Variants in GPR180 observed in about 807,000 individuals in gnomAD.
The protein encoded by GPR180 is G protein-coupled receptor 180, also known as integral membrane protein GPR180.
Under a neutral mutation model 52.6 loss-of-function variants are expected in GPR180, and 53 were observed. The observed-to-expected ratio is 1.01, with a 90% CI of 0.81 to 1.27. The LOEUF (loss-of-function observed/expected upper bound fraction) is 1.27, where lower values mean the gene tolerates loss of function less well. Among genes scored for constraint, GPR180 ranks in the 50% most tolerant of loss-of-function variants. The pLI, the probability that GPR180 is intolerant of heterozygous loss-of-function variation, is 0.00. For missense variants in GPR180, 533 were observed against 527.0 expected (o/e 1.01, Z -0.11); for synonymous variants, 200 against 193.1 (o/e 1.04, Z -0.30).
chr13:94,616,641 T>C (rs1159356956), intron 3 of GPR180, among the ~76,000 whole-genome samples: 2 of 152,258 alleles, frequency 1.3e-5, no homozygotes, highest in Non-Finnish European at 2.9e-5. Context: ...TCTTCTTCAG[T>C]GTATACTTTT....
chr13:94,604,249 G>A (rs896046918), intron 1 of GPR180, among the ~76,000 whole-genome samples: 1 of 151,988 alleles, frequency 6.6e-6, no homozygotes, highest in African/African-American at 2.4e-5. Context: ...CAGGAGAATC[G>A]CTTGAACCGG....
At chr13:94,620,989 A>T in intron 5 of GPR180, 89 bp from the exon 6 acceptor site, 4 of 1,065,948 alleles carry the variant, frequency 3.8e-6, no homozygotes, top group Non-Finnish European at 5.1e-6. Context: ...GTTTTTCTTA[A>T]AAAAAAAAAA....
At chr13:94,610,861 A>G (rs1283224847) in intron 2 of GPR180, among the ~76,000 whole-genome samples, 1 of 152,098 alleles carries the variant, frequency 6.6e-6, no homozygotes, top group East Asian at 1.9e-4. Context: ...ATCCCCTCAC[A>G]TTTTCAGATG....
chr13:94,613,983 A>G (rs968214607), intron 3 of GPR180, among the ~76,000 whole-genome samples: 9 of 151,538 alleles, frequency 5.9e-5, no homozygotes, highest in Non-Finnish European at 1.0e-4. Flanking sequence ...GGTTCAAGCA[A>G]TTCTCCCGCC....
chr13:94,622,032 G>A (rs1889858461), intron 6 of GPR180, among the ~76,000 whole-genome samples: 3 of 151,936 alleles, frequency 2.0e-5, no homozygotes, highest in Non-Finnish European at 2.9e-5. Context: ...TGAAGGATGG[G>A]GTCAGTGCTT....
At chr13:94,614,011 T>C (rs1173367839) in intron 3 of GPR180, among the ~76,000 whole-genome samples, 3 of 152,024 alleles carry the variant, frequency 2.0e-5, no homozygotes, top group African/African-American at 7.3e-5. Flanking sequence ...CCTGAGTAGC[T>C]GGGACTACAG....
At chr13:94,606,633 G>A (rs1184140755) in intron 2 of GPR180, among the ~76,000 whole-genome samples, 1 of 152,070 alleles carries the variant, frequency 6.6e-6, no homozygotes, top group African/African-American at 2.4e-5. Context: ...TCCATATATG[G>A]AACATGGTAG....
At chr13:94,612,441 C>T (rs1224707012) in intron 3 of GPR180, 51 bp downstream of exon 3, 3 of 1,271,008 alleles carry the variant, frequency 2.4e-6, no homozygotes, top group South Asian at 1.3e-5. Context: ...GATTTATGTA[C>T]AAATATATTC....
intron 2 of GPR180, among the ~76,000 whole-genome samples, chr13:94,610,234 G>A (rs1889685860): frequency 6.6e-6 from 1 of 152,102 alleles, no homozygotes; most frequent in Non-Finnish European, 1.5e-5. Context: ...ATTCTATAAT[G>A]TCCTCTGAAA....
Position 94,628,921 on chromosome 13 carries a change from A to G in GPR180, c.*1750A>G, listed in dbSNP as rs1292448918. The stretch of plus-strand genomic sequence containing the variant: ...TGTGAACTTGCCAAAAGGGGAAGGG[A>G]AAAATCTTTGTGTTACTTCACTCAA... On this transcript the variant is annotated 3_prime_UTR_variant, in exon 9 of 9. Transcript: ENST00000376958. The G allele has an allele frequency of 1.3e-5, 2 of 152,164 alleles. No individual in the cohort carries two copies. Among genetic ancestry groups the G allele is most frequent in the African/African-American group, 4.8e-5 (2 of 41,470 alleles). 9.4% of individuals were successfully genotyped at this position (152,164 alleles called of 1,614,324 possible). A position where few individuals can be genotyped will look rare whatever the true frequency, so the allele number is the denominator to read the frequency against.
rs772684550 is a variant in GPR180 at position 94,632,898 on chromosome 13, C to G, written c.*5727C>G. On this transcript the variant is annotated 3_prime_UTR_variant, in exon 9 of 9. Coordinates refer to ENST00000376958, the MANE Select transcript of GPR180 (RefSeq NM_180989.6). ...ATTAATCATGCCTGTCATGAAACCC[C>G]GAGAGAAACTCTGGTCAGTGATGCT... 1.3e-5 allele frequency: 2 copies of G among 152,128 alleles called. No homozygotes were observed. Among genetic ancestry groups the G allele is most frequent in the Non-Finnish European group, 2.9e-5 (2 of 68,056 alleles). The allele number at this position is 152,128 out of a possible 1,614,324, so 9.4% of individuals were successfully genotyped here. A position where few individuals can be genotyped will look rare whatever the true frequency, so the allele number is the denominator to read the frequency against.
At chr13:94,621,967 T>G (rs575907844) in intron 6 of GPR180, among the ~76,000 whole-genome samples, 1 of 152,304 alleles carries the variant, frequency 6.6e-6, no homozygotes, top group African/African-American at 2.4e-5. Flanking sequence ...TTAGGCTCTG[T>G]AGAGGACATT....
At position 94,631,574 on chromosome 13, in the gene GPR180, CTA is replaced by C. The variant is rs755170712; in HGVS notation, c.*4405_*4406del. ...ATATAAATTTTAAGTGAGTTTGTCT[CTA>C]TTGTTCATTGCTGTATGCCTAATAC... On this transcript the variant is annotated 3_prime_UTR_variant, in exon 9 of 9. Transcript: ENST00000376958. 2.0e-5 allele frequency: 3 copies of C among 148,366 alleles called. No homozygotes were observed. The highest frequency in any genetic ancestry group is 4.5e-5 in the Non-Finnish European group (3 of 67,362). 9.2% of individuals were successfully genotyped at this position (148,366 alleles called of 1,614,324 possible).
At chr13:94,618,420 A>ATTTTTTTTTTTTTTTTCTTTTTT (rs1889806803) in intron 3 of GPR180, among the ~76,000 whole-genome samples, 4 of 87,156 alleles carry the variant, frequency 4.6e-5, no homozygotes, top group African/African-American at 1.9e-4. Context: ...TCAGCACAGG[A>ATTTTTTTTTTTTTTTTCTTTTTT]TTTTTTTTTT....
chr13:94,608,836 T>G (rs1889666968), intron 2 of GPR180, among the ~76,000 whole-genome samples: 1 of 152,192 alleles, frequency 6.6e-6, no homozygotes, highest in South Asian at 2.1e-4. Flanking sequence ...ATGAAAAGAC[T>G]AGCAGATTAG....
rs992264555 is a variant in GPR180 at position 94,632,859 on chromosome 13, T to C, written c.*5688T>C. On this transcript the variant is annotated 3_prime_UTR_variant, in exon 9 of 9. Coordinates refer to ENST00000376958, the MANE Select transcript of GPR180 (RefSeq NM_180989.6). ...GTTAGAGATGGAGTTCAGCTTTATA[T>C]AGAGATTGAGTCAATTAATCATGCC... 6.6e-6 allele frequency: 1 copy of C among 152,118 alleles called. No homozygotes were observed. Among genetic ancestry groups the C allele is most frequent in the Non-Finnish European group, 1.5e-5 (1 of 68,028 alleles). 9.4% of individuals were successfully genotyped at this position (152,118 alleles called of 1,614,324 possible).
intron 1 of GPR180, among the ~76,000 whole-genome samples, chr13:94,603,762 G>A (rs185375832): frequency 6.6e-6 from 1 of 152,194 alleles, no homozygotes; most frequent in Non-Finnish European, 1.5e-5. Flanking sequence ...ATTTCCAGGA[G>A]AATAGAAGAT....
At chr13:94,619,548 G>C in intron 5 of GPR180, 31 bp downstream of exon 5, 2 of 1,556,884 alleles carry the variant, frequency 1.3e-6, no homozygotes, top group Non-Finnish European at 1.8e-6. Context: ...TTTTTAAAAA[G>C]CTTTTACACT....
At chr13:94,605,600 A>G (rs1490244382) in intron 2 of GPR180, 51 bp downstream of exon 2, 4 of 1,471,708 alleles carry the variant, frequency 2.7e-6, no homozygotes, top group African/African-American at 1.4e-5. Context: ...TTTTCCTCCT[A>G]ATGTTGAAAT....
Sources: allele counts gnomAD v4.1 joint callset (sites outside exome capture counted in the v4.1 genomes callset), GRCh38; gene constraint gnomAD v4.1.1; transcripts MANE v1.5; gene names NCBI Gene and HGNC (gene_info 2026-07-23, HGNC 2026-07-21).